Variants in CEMIP observed in about 807,000 individuals in gnomAD.
CEMIP encodes the protein cell migration inducing hyaluronidase 1.
In CEMIP, 105 loss-of-function variants were observed where a neutral mutation model predicts 156.9. The ratio of observed to expected loss-of-function variants is 0.67; its 90% CI spans 0.57 to 0.79. The LOEUF is 0.79. Ranked by LOEUF, CEMIP falls within the 30% of genes least tolerant of loss-of-function variation. The pLI is 0.00. For missense variants in CEMIP, 1,457 were observed against 1,769.4 expected, an observed-to-expected ratio of 0.82 and a Z score of 3.17; for synonymous variants, 676 against 668.4, an observed-to-expected ratio of 1.01 and a Z score of -0.17.
intron 19 of CEMIP, among the ~76,000 whole-genome samples, chr15:80,926,715 G>A (rs966329761): frequency 1.3e-5 from 2 of 151,208 alleles, no homozygotes; most frequent in African/African-American, 4.9e-5. Flanking sequence ...GCCAGGCAAG[G>A]ACATAGGATG....
At chr15:80,842,492 G>A (rs925730282) in intron 1 of CEMIP, among the ~76,000 whole-genome samples, 1 of 152,176 alleles carries the variant, frequency 6.6e-6, no homozygotes, top group African/African-American at 2.4e-5. Context: ...AGAACTTTGG[G>A]AGGCTGAGGC....
At chr15:80,909,787 A>C (rs1442828610) in intron 14 of CEMIP, 1 of 370,852 alleles carries the variant, frequency 2.7e-6, no homozygotes, top group East Asian at 7.3e-5. Flanking sequence ...ACAAATTGGC[A>C]TGTGTATCAG....
intron 1 of CEMIP, among the ~76,000 whole-genome samples, chr15:80,788,425 T>G (rs1895995345): frequency 1.4e-5 from 2 of 145,536 alleles, no homozygotes; most frequent in South Asian, 2.2e-4. Context: ...GAGCTGAGAT[T>G]GCGCCACTGC....
At chr15:80,919,417 C>A (rs1900389725) in intron 14 of CEMIP, among the ~76,000 whole-genome samples, 1 of 152,198 alleles carries the variant, frequency 6.6e-6, no homozygotes. Flanking sequence ...CAGCCCATGG[C>A]CTCCTCTTGG....
Position 80,836,050 on chromosome 15 carries a change from T to C in CEMIP, c.-175-37488T>C, listed in dbSNP as rs541321412. On this transcript the variant is annotated intron_variant, in intron 1 of 29. Transcript: ENST00000394685. ...AAAAAAAAGTGGCTCATACTTGGTATATTTAGAGATGAGACGGAAGTGATT... is the reference window on the plus strand; with the variant it reads ...AAAAAAAAGTGGCTCATACTTGGTACATTTAGAGATGAGACGGAAGTGATT... Among the ~76,000 whole-genome samples the C allele has an allele frequency of 2.6e-5, 4 of 151,126 alleles. No homozygotes were observed. In the South Asian group the frequency reaches 8.4e-4, roughly 32 times the overall value.
At chr15:80,806,366 A>G (rs138910068) in intron 1 of CEMIP, among the ~76,000 whole-genome samples, 44 of 152,314 alleles carry the variant, frequency 2.9e-4, no homozygotes, top group African/African-American at 1.0e-3. Flanking sequence ...AGAGCCCTTG[A>G]GACTATGTCC....
chr15:80,784,425 GGT>G (rs1454694571), intron 1 of CEMIP, among the ~76,000 whole-genome samples: 3 of 152,196 alleles, frequency 2.0e-5, no homozygotes, highest in African/African-American at 7.2e-5. Context: ...CCCTCTCTGA[GGT>G]GAGGAGTTCA....
intron 1 of CEMIP, among the ~76,000 whole-genome samples, chr15:80,848,588 C>CT (rs1174636100): frequency 5.9e-5 from 9 of 152,138 alleles, no homozygotes; most frequent in Admixed American, 2.6e-4. Flanking sequence ...TGGAGGATCT[C>CT]TCTTGGGGTT....
Position 80,868,406 on chromosome 15 carries a change from G to A in CEMIP, c.-175-5132G>A, listed in dbSNP as rs139878005. On this transcript the variant is annotated intron_variant, in intron 1 of 29. Transcript: ENST00000394685. ...TGTGGGTTCTGGAGCCAGACCACCT[G>A]GGTTCAAATCCTGACTAAGCCACCT... Among the ~76,000 whole-genome samples the A allele has an allele frequency of 4.7e-3, 718 of 152,224 alleles. 6 individuals carry two copies. Among genetic ancestry groups the A allele is most frequent in the African/African-American group, 0.016 (684 of 41,530 alleles).
intron 12 of CEMIP, among the ~76,000 whole-genome samples, chr15:80,900,358 G>A (rs1272227214): frequency 3.3e-5 from 5 of 152,128 alleles, no homozygotes; most frequent in Non-Finnish European, 5.9e-5. Flanking sequence ...AGTACCAAGC[G>A]GGAGAGGATA....
At chr15:80,848,953 A>ATTT (rs764417438) in intron 1 of CEMIP, among the ~76,000 whole-genome samples, 23 of 72,502 alleles carry the variant, frequency 3.2e-4, no homozygotes, top group Non-Finnish European at 5.0e-4. Flanking sequence ...CTCTTTAGAA[A>ATTT]TTTTTTTTTT....
intron 1 of CEMIP, among the ~76,000 whole-genome samples, chr15:80,793,181 T>C (rs1490666017): frequency 1.3e-5 from 2 of 152,184 alleles, no homozygotes; most frequent in African/African-American, 2.4e-5. Context: ...TAGTGAAATT[T>C]GAAGGGCACA....
At chr15:80,921,299 A>G (rs535061692) in intron 16 of CEMIP, among the ~76,000 whole-genome samples, 198 bp downstream of exon 16, 1 of 152,276 alleles carries the variant, frequency 6.6e-6, no homozygotes, top group African/African-American at 2.4e-5. Context: ...CTTGGTTTTA[A>G]AGGACAGCCC....
intron 19 of CEMIP, among the ~76,000 whole-genome samples, chr15:80,926,397 G>A (rs938596155): frequency 6.6e-6 from 1 of 152,308 alleles, no homozygotes; most frequent in Admixed American, 6.5e-5. Context: ...ATTGTGAAAT[G>A]TCTCCTTGTC....
chr15:80,780,555 C>G (rs774191094), intron 1 of CEMIP, among the ~76,000 whole-genome samples: 1 of 152,194 alleles, frequency 6.6e-6, no homozygotes, highest in Non-Finnish European at 1.5e-5. Context: ...CGCCAGCTGC[C>G]GGGTTTGAGG....
At chr15:80,914,344 T>C (rs1380636510) in intron 14 of CEMIP, among the ~76,000 whole-genome samples, 1 of 152,220 alleles carries the variant, frequency 6.6e-6, no homozygotes, top group African/African-American at 2.4e-5. Flanking sequence ...GCTCTTTCCT[T>C]CTTTTCCTCC....
chr15:80,795,721 C>T (rs145164145), intron 1 of CEMIP, among the ~76,000 whole-genome samples: 63 of 152,182 alleles, frequency 4.1e-4, no homozygotes, highest in African/African-American at 1.5e-3. Flanking sequence ...ATTTCTTGAG[C>T]CCAGGAGTTC....
chr15:80,916,991 G>A (rs749300655), intron 14 of CEMIP, among the ~76,000 whole-genome samples: 16 of 152,144 alleles, frequency 1.1e-4, no homozygotes, highest in Admixed American at 7.2e-4. Flanking sequence ...GTCCCAATTC[G>A]GTCCATGCAA....
intron 12 of CEMIP, among the ~76,000 whole-genome samples, chr15:80,899,250 C>T (rs1425779137): frequency 6.7e-6 from 1 of 148,936 alleles, no homozygotes; most frequent in African/African-American, 2.5e-5. Flanking sequence ...AGAAAGAAAA[C>T]ACATACAATG....
Sources: allele counts gnomAD v4.1 joint callset (sites outside exome capture counted in the v4.1 genomes callset), GRCh38; gene constraint gnomAD v4.1.1; transcripts MANE v1.5; gene names NCBI Gene and HGNC (gene_info 2026-07-23, HGNC 2026-07-21).